MED4: variants seen among roughly 807,000 people sequenced by gnomAD.
MED4 encodes mediator of RNA polymerase II transcription subunit 4.
A neutral mutation model predicts 35.0 loss-of-function variants in MED4; 21 were observed. The observed-to-expected ratio is 0.60, with a 90% confidence interval of 0.43 to 0.86. The LOEUF is 0.86. MED4 is among the 40% of genes least tolerant of loss of function. MED4 has a pLI of 0.00. For missense variants in MED4, 300 were observed against 319.4 expected (o/e 0.94, Z 0.46); for synonymous variants, 138 against 114.0 (o/e 1.21, Z -1.34).
rs188744058 is a variant in MED4, at chr13:48,085,551, T to G, written c.363+731A>C. Among the ~76,000 whole-genome samples, 20 of 152,336 alleles carry G rather than the reference T, an allele frequency of 1.3e-4. No individual in the cohort carries two copies. The East Asian group carries it at 1.5e-3, about 12-fold the overall frequency. ...GAGTTGTTTCCTTAGTAGAGGTGAT[T>G]AATTTACCCTGAACTGCCCAGGCTT... On this transcript the variant is annotated intron_variant, in intron 3 of 6. Coordinates refer to ENST00000258648, the MANE Select transcript of MED4 (RefSeq NM_014166.4).
chr13:48,081,366 T>C (rs1409123448), intron 5 of MED4, among the ~76,000 whole-genome samples: 1 of 152,202 alleles, frequency 6.6e-6, no homozygotes, highest in African/African-American at 2.4e-5. Context: ...ATCCAAAGCT[T>C]TAGAAGCATC....
At chr13:48,090,565 A>G (rs1300825298) in intron 1 of MED4, 147 bp from the exon 2 acceptor site, 3 of 563,336 alleles carry the variant, frequency 5.3e-6, no homozygotes, top group South Asian at 3.1e-5. Context: ...TAAAAGTTCT[A>G]CTTAATACTA....
chr13:48,092,887 A>G (rs1472727541), intron 1 of MED4, among the ~76,000 whole-genome samples: 1 of 152,158 alleles, frequency 6.6e-6, no homozygotes, highest in African/African-American at 2.4e-5. Context: ...TGGGAGCGTG[A>G]GTCCACAGAA....
chr13:48,077,350 C>A, intron 6 of MED4, 39 bp from the exon 7 acceptor site: 1 of 1,378,780 alleles, frequency 7.3e-7, no homozygotes, highest in Non-Finnish European at 9.6e-7. Context: ...ACAGCTCTAT[C>A]TGTAATTAAT....
At chr13:48,090,283 G>A in intron 2 of MED4, 69 bp downstream of exon 2, 1 of 1,234,458 alleles carries the variant, frequency 8.1e-7, no homozygotes, top group East Asian at 2.4e-5. Context: ...GAAACTTGCA[G>A]AAATCAAGTT....
chr13:48,091,260 A>T (rs891629249), intron 1 of MED4, among the ~76,000 whole-genome samples: 2 of 152,204 alleles, frequency 1.3e-5, no homozygotes, highest in African/African-American at 4.8e-5. Flanking sequence ...AAATATGACA[A>T]TTTCCCTGTA....
intron 2 of MED4, among the ~76,000 whole-genome samples, chr13:48,089,143 A>G (rs1950872647): frequency 1.3e-5 from 2 of 152,172 alleles, no homozygotes; most frequent in African/African-American, 4.8e-5. Context: ...CTGAGAGACT[A>G]GTAGTCTTCT....
chr13:48,082,120 G>C (rs940399570), intron 4 of MED4, among the ~76,000 whole-genome samples: 1 of 151,974 alleles, frequency 6.6e-6, no homozygotes, highest in Admixed American at 6.6e-5. Flanking sequence ...CACTCTGTTC[G>C]ATCAATATGC....
chr13:48,093,358 T>C (rs1593550238), intron 1 of MED4, among the ~76,000 whole-genome samples: 1 of 152,184 alleles, frequency 6.6e-6, no homozygotes, highest in East Asian at 1.9e-4. Context: ...CCCGAAAGGC[T>C]ATATAATCAG....
At chr13:48,085,382 A>G (rs543767841) in intron 3 of MED4, among the ~76,000 whole-genome samples, 14 of 152,272 alleles carry the variant, frequency 9.2e-5, no homozygotes, top group Non-Finnish European at 1.8e-4. Flanking sequence ...TATGTTGGCC[A>G]GACTGGTCTC....
At position 48,091,010 on chromosome 13, in the gene MED4, A is replaced by T. The variant is rs188775128; in HGVS notation, c.126-592T>A. Among the ~76,000 whole-genome samples the T allele has an allele frequency of 2.9e-4, 44 of 152,352 alleles. 1 individual carries two copies. The East Asian group carries it at 7.1e-3, about 25-fold the overall frequency. On this transcript the variant is annotated intron_variant, in intron 1 of 6. Coordinates refer to ENST00000258648, the MANE Select transcript of MED4 (RefSeq NM_014166.4). ...TTACAGCAGAGACTATATGGCCCATAAACCCAAAAGTATTTATTATCTGGC... is the reference window on the plus strand; with the variant it reads ...TTACAGCAGAGACTATATGGCCCATTAACCCAAAAGTATTTATTATCTGGC...
At chr13:48,078,847 A>G (rs2137827088) in intron 6 of MED4, among the ~76,000 whole-genome samples, 1 of 152,302 alleles carries the variant, frequency 6.6e-6, no homozygotes, top group African/African-American at 2.4e-5. Flanking sequence ...GATGCATACA[A>G]AGCATTATTA....
At chr13:48,085,814 A>G (rs1007986936) in intron 3 of MED4, among the ~76,000 whole-genome samples, 2 of 152,222 alleles carry the variant, frequency 1.3e-5, no homozygotes, top group African/African-American at 4.8e-5. Context: ...TCCAAATCCT[A>G]CCTAGATGAG....
chr13:48,079,992 T>C lies in MED4; in HGVS notation c.509-17A>G. The C allele has an allele frequency of 6.2e-7, 1 of 1,607,952 alleles. No homozygotes were observed. Among genetic ancestry groups the C allele is most frequent in the Non-Finnish European group, 8.5e-7 (1 of 1,177,244 alleles). ...GGGGGTCCCCTAAAACAATAAAGAC[T>C]GCATTTAATTCAATCATATTTTAAA... On this transcript the variant is annotated splice_polypyrimidine_tract_variant and intron_variant, in intron 5 of 6. Transcript: ENST00000258648.
intron 6 of MED4, among the ~76,000 whole-genome samples, chr13:48,078,141 G>A (rs916097595): frequency 6.6e-6 from 1 of 152,156 alleles, no homozygotes; most frequent in Admixed American, 6.5e-5. Context: ...CTGAAGCAAA[G>A]GGACAGAGCA....
In MED4 at chr13:48,076,952, A is replaced by C. The variant is rs911443060; in HGVS notation, c.*187T>G. 3 of 493,422 alleles carry C rather than the reference A, an allele frequency of 6.1e-6. No homozygotes were observed. In the African/African-American group the frequency reaches 6.1e-5, roughly 10 times the overall value. 30.6% of individuals were successfully genotyped at this position (493,422 alleles called of 1,614,324 possible). A position where few individuals can be genotyped will look rare whatever the true frequency, so the allele number is the denominator to read the frequency against. On this transcript the variant is annotated 3_prime_UTR_variant, in exon 7 of 7. Transcript: ENST00000258648. The stretch of plus-strand genomic sequence containing the variant: ...CTAAATATCTACCTAGTGGCTTAAA[A>C]CTAAAACTATGGTCTTTGGCTTTAA...
In MED4 at chr13:48,077,302, G is replaced by A. The variant is rs1950767920; in HGVS notation, c.650C>T (p.Ala217Val). 1 of 1,486,582 alleles carries A rather than the reference G, an allele frequency of 6.7e-7. No individual in the cohort carries two copies. 92.1% of individuals were successfully genotyped at this position (1,486,582 alleles called of 1,614,324 possible). Residue 217 changes from alanine (A) to valine (V), a missense_variant, in exon 7 of 7, where the codon GCT becomes GTT. Ala to Val is a moderately conservative substitution (Grantham distance 64, BLOSUM62 0). Transcript: ENST00000258648. Reference sequence around the variant, plus strand: ...ATTTGACTGCCATGGATACTGTGGAGCAAGGACATCTGGAGAAAAAAAGAA... The same window carrying A: ...ATTTGACTGCCATGGATACTGTGGAACAAGGACATCTGGAGAAAAAAAGAA... ...LAAGRLPDVL[A>V]PQYPWQSNDM...
chr13:48,088,488 C>T (rs1249436201), intron 2 of MED4, among the ~76,000 whole-genome samples: 2 of 152,146 alleles, frequency 1.3e-5, no homozygotes, highest in African/African-American at 4.8e-5. Context: ...ACTTCTAATC[C>T]TCATTCCTCC....
chr13:48,092,901 T>A (rs1211620200), intron 1 of MED4, among the ~76,000 whole-genome samples: 1 of 152,224 alleles, frequency 6.6e-6, no homozygotes, highest in South Asian at 2.1e-4. Flanking sequence ...CACAGAAGGC[T>A]TTACAAGGCT....
Sources: allele counts gnomAD v4.1 joint callset (sites outside exome capture counted in the v4.1 genomes callset), GRCh38; gene constraint gnomAD v4.1.1; transcripts MANE v1.5; gene names NCBI Gene and HGNC (gene_info 2026-07-23, HGNC 2026-07-21).